CDC42SE2: variants seen among roughly 807,000 people sequenced by gnomAD.
CDC42SE2 encodes the protein CDC42 small effector 2.
A neutral mutation model predicts 11.5 loss-of-function variants in CDC42SE2; 3 were observed. The ratio of observed to expected loss-of-function variants is 0.26; its 90% CI spans 0.12 to 0.67. CDC42SE2 has a LOEUF of 0.67. Among genes scored for constraint, CDC42SE2 ranks in the 30% least tolerant of loss-of-function variants. The probability of loss-of-function intolerance (pLI) is 0.80; values close to 1 mark genes in which losing one functional copy is unlikely to be tolerated. For missense variants in CDC42SE2, 82 were observed against 106.8 expected (o/e 0.77, Z 1.02); for synonymous variants, 33 against 34.8 (o/e 0.95, Z 0.18).
At chr5:131,236,378 T>A in the CDC42SE2 span, among the ~76,000 whole-genome samples, 3 of 152,088 alleles carry the variant, frequency 2.0e-5, no homozygotes, top group Non-Finnish European at 4.4e-5. Context: ...TCCACTTAGG[T>A]TTTATTTTAG....
intron 1 of CDC42SE2, among the ~76,000 whole-genome samples, chr5:131,309,278 G>A (rs1436638862): frequency 4.6e-5 from 7 of 150,552 alleles, no homozygotes; most frequent in African/African-American, 1.7e-4. Context: ...AACCAGCCTT[G>A]CATCCCAGGG....
chr5:131,347,300 A>G (rs1014520238), intron 2 of CDC42SE2, among the ~76,000 whole-genome samples: 1 of 152,208 alleles, frequency 6.6e-6, no homozygotes, highest in Admixed American at 6.6e-5. Context: ...GATGCAATAA[A>G]AAATGATAAA....
intron 3 of CDC42SE2, among the ~76,000 whole-genome samples, chr5:131,361,531 T>G (rs1304124830): frequency 6.6e-6 from 1 of 152,196 alleles, no homozygotes; most frequent in Non-Finnish European, 1.5e-5. Flanking sequence ...ATAGCTGAAG[T>G]GCCAGAAGGC....
rs1260548100 is a variant in CDC42SE2 at position 131,272,532 on chromosome 5, A to G, written c.-455+8366A>G. ...ACTTTGCCTTTCCTACTATTCTGTC[A>G]TCATGGTCTCCACTCGTGCTCCTTT... On this transcript the variant is annotated intron_variant, in intron 1 of 4. Transcript: ENST00000505065. Among the ~76,000 whole-genome samples the G allele has an allele frequency of 3.3e-5, 5 of 152,130 alleles. No individual in the cohort carries two copies. In the South Asian group the frequency reaches 6.2e-4, roughly 19 times the overall value.
the CDC42SE2 span, among the ~76,000 whole-genome samples, chr5:131,224,140 C>T: frequency 6.6e-6 from 1 of 152,198 alleles, no homozygotes; most frequent in African/African-American, 2.4e-5. Flanking sequence ...TTTCTTCTCT[C>T]TCCACACTCA....
At chr5:131,300,564 C>T (rs1342084017) in intron 1 of CDC42SE2, among the ~76,000 whole-genome samples, 1 of 152,058 alleles carries the variant, frequency 6.6e-6, no homozygotes, top group Non-Finnish European at 1.5e-5. Flanking sequence ...GCGGGCGGAT[C>T]ATGAGGTCAG....
Position 131,381,877 on chromosome 5 carries a change from C to T in CDC42SE2, c.55-3666C>T, listed in dbSNP as rs184189412. 7.7e-3 allele frequency among the ~76,000 whole-genome samples: 1,175 copies of T among 152,318 alleles called. 5 individuals are homozygous for T. The highest frequency in any genetic ancestry group is 0.013 in the Non-Finnish European group (891 of 68,026). On this transcript the variant is annotated intron_variant, in intron 3 of 4. Transcript: ENST00000505065. ...ATCACACACTTCAGTCCTTTACAAA[C>T]TCTATGTGATCTGGTTCTTGCTTAT...
At chr5:131,302,950 A>G (rs997960974) in intron 1 of CDC42SE2, among the ~76,000 whole-genome samples, 1 of 152,002 alleles carries the variant, frequency 6.6e-6, no homozygotes, top group Non-Finnish European at 1.5e-5. Context: ...ACTCAACTAC[A>G]TCTTACACTT....
At chr5:131,307,884 C>G (rs1294142127) in intron 1 of CDC42SE2, among the ~76,000 whole-genome samples, 2 of 152,164 alleles carry the variant, frequency 1.3e-5, no homozygotes, top group Non-Finnish European at 2.9e-5. Context: ...AGTGTCTGCT[C>G]ATATCCTTCG....
chr5:131,302,461 G>C (rs147762537), intron 1 of CDC42SE2, among the ~76,000 whole-genome samples: 2,598 of 152,248 alleles, frequency 0.017, 74 homozygotes, highest in African/African-American at 0.059. Context: ...TTACAGGTGT[G>C]AGCCACCGTG....
chr5:131,258,468 T>A (rs1278420511), intron 2 of CDC42SE2, among the ~76,000 whole-genome samples: 1 of 152,244 alleles, frequency 6.6e-6, no homozygotes, highest in East Asian at 1.9e-4. Flanking sequence ...CCCCAAAGGC[T>A]CCCTTCCTCT....
At chr5:131,361,498 A>G (rs1352217294) in intron 3 of CDC42SE2, among the ~76,000 whole-genome samples, 1 of 152,172 alleles carries the variant, frequency 6.6e-6, no homozygotes, top group Non-Finnish European at 1.5e-5. Flanking sequence ...TGACCCCACG[A>G]CAATGTCTAG....
At chr5:131,344,202 C>A (rs1758780501) in intron 2 of CDC42SE2, among the ~76,000 whole-genome samples, 1 of 152,140 alleles carries the variant, frequency 6.6e-6, no homozygotes, top group Non-Finnish European at 1.5e-5. Context: ...CAGGGCGGGG[C>A]ATCGCCTCAC....
chr5:131,260,393 C>T (rs984627596), upstream of CDC42SE2, among the ~76,000 whole-genome samples: 6 of 152,080 alleles, frequency 3.9e-5, no homozygotes, highest in East Asian at 1.9e-4. Flanking sequence ...GAGGCTGGGG[C>T]GGGCGGATCA....
At chr5:131,375,950 C>T (rs971603142) in intron 3 of CDC42SE2, among the ~76,000 whole-genome samples, 3 of 151,958 alleles carry the variant, frequency 2.0e-5, no homozygotes, top group Non-Finnish European at 4.4e-5. Flanking sequence ...GTTAAGACTC[C>T]CATCTTGGCC....
the CDC42SE2 span, among the ~76,000 whole-genome samples, chr5:131,222,141 A>G: frequency 6.6e-6 from 1 of 152,238 alleles, no homozygotes; most frequent in African/African-American, 2.4e-5. Context: ...AGAGCAGCTA[A>G]GTGTTTCTAC....
the CDC42SE2 span, among the ~76,000 whole-genome samples, chr5:131,226,478 A>G: frequency 2.6e-5 from 4 of 152,248 alleles, no homozygotes; most frequent in African/African-American, 9.6e-5. Context: ...AGTTTATGTC[A>G]TAAATCTCCC....
chr5:131,220,920 T>G, the CDC42SE2 span, among the ~76,000 whole-genome samples: 2 of 133,860 alleles, frequency 1.5e-5, no homozygotes, highest in East Asian at 4.3e-4. Context: ...AGTTTCACCC[T>G]GCCGCCTAGG....
At chr5:131,239,678 G>C in the CDC42SE2 span, among the ~76,000 whole-genome samples, 1 of 152,242 alleles carries the variant, frequency 6.6e-6, no homozygotes, top group East Asian at 1.9e-4. Flanking sequence ...AGGCACCCTA[G>C]GTATTTTTCA....
Sources: allele counts gnomAD v4.1 joint callset (sites outside exome capture counted in the v4.1 genomes callset), GRCh38; gene constraint gnomAD v4.1.1; transcripts MANE v1.5; gene names NCBI Gene and HGNC (gene_info 2026-07-23, HGNC 2026-07-21).